The following SLC24A3 variants were observed in gnomAD, a reference collection of about 807,000 sequenced individuals.
SLC24A3 encodes sodium/potassium/calcium exchanger 3.
SLC24A3 carries 28 observed loss-of-function variants against 75.8 expected under a neutral mutation model. The ratio of observed to expected loss-of-function variants is 0.37; its 90% confidence interval spans 0.27 to 0.51. SLC24A3 has a LOEUF of 0.51. Among genes scored for constraint, SLC24A3 ranks in the 20% least tolerant of loss-of-function variants. The pLI, the probability that SLC24A3 is intolerant of heterozygous loss-of-function variation, is 0.94. For missense variants in SLC24A3, 663 were observed against 847.8 expected, an observed-to-expected ratio of 0.78 and a Z score of 2.71; for synonymous variants, 372 against 334.1, an observed-to-expected ratio of 1.11 and a Z score of -1.24.
chr20:19,672,995 A>C (rs879882554), intron 8 of SLC24A3, among the ~76,000 whole-genome samples: 3 of 152,224 alleles, frequency 2.0e-5, no homozygotes, highest in Non-Finnish European at 4.4e-5. Context: ...GAAGCCACTA[A>C]GATAAAGAAA....
chr20:19,262,295 C>T (rs1303902013), intron 1 of SLC24A3, among the ~76,000 whole-genome samples: 1 of 150,664 alleles, frequency 6.6e-6, no homozygotes, highest in Non-Finnish European at 1.5e-5. Flanking sequence ...GTCCCAGCTA[C>T]GCGGGAGGCT....
At chr20:19,412,811 C>A (rs564953521) in intron 2 of SLC24A3, among the ~76,000 whole-genome samples, 2 of 152,304 alleles carry the variant, frequency 1.3e-5, no homozygotes, top group South Asian at 4.1e-4. Context: ...TGTGCAGTAA[C>A]AGCTGAATAG....
intron 7 of SLC24A3, among the ~76,000 whole-genome samples, chr20:19,655,504 C>G (rs986495672): frequency 2.0e-5 from 3 of 152,062 alleles, no homozygotes; most frequent in African/African-American, 4.8e-5. Flanking sequence ...TGTGTCAACT[C>G]GACTGGGCTA....
At chr20:19,254,667 G>C (rs531532421) in intron 1 of SLC24A3, among the ~76,000 whole-genome samples, 141 of 152,258 alleles carry the variant, frequency 9.3e-4, no homozygotes, top group Middle Eastern at 3.4e-3. Flanking sequence ...ATCTGGTCAG[G>C]GTGGCCACAC....
chr20:19,475,975 G>A (rs1330600901), intron 2 of SLC24A3, among the ~76,000 whole-genome samples: 1 of 152,184 alleles, frequency 6.6e-6, no homozygotes, highest in Non-Finnish European at 1.5e-5. Context: ...CTATAACAAT[G>A]GGAATAGCCT....
intron 2 of SLC24A3, among the ~76,000 whole-genome samples, chr20:19,301,879 C>G (rs1026210499): frequency 6.6e-6 from 1 of 152,188 alleles, no homozygotes; most frequent in African/African-American, 2.4e-5. Context: ...CCATGTTTAG[C>G]TGTTGAATAT....
chr20:19,285,711 T>C (rs1402384271), intron 2 of SLC24A3, among the ~76,000 whole-genome samples: 2 of 152,030 alleles, frequency 1.3e-5, no homozygotes, highest in Admixed American at 1.3e-4. Context: ...AAACATTTTT[T>C]TTTTTTTCTT....
intron 15 of SLC24A3, 71 bp from the exon 16 acceptor site, chr20:19,717,457 C>G (rs1465909753): frequency 6.6e-6 from 10 of 1,522,704 alleles, no homozygotes; most frequent in Non-Finnish European, 8.2e-6. Flanking sequence ...TAGGCAGATG[C>G]CTTTTCCAAA....
At chr20:19,325,841 G>GAGAC (rs1984847455) in intron 2 of SLC24A3, among the ~76,000 whole-genome samples, 1 of 54,110 alleles carries the variant, frequency 1.8e-5, no homozygotes, top group Non-Finnish European at 3.4e-5. Flanking sequence ...GAGAGAGAGG[G>GAGAC]AGACATCTGG....
intron 6 of SLC24A3, among the ~76,000 whole-genome samples, chr20:19,642,349 G>A (rs1279174054): frequency 2.0e-5 from 3 of 152,134 alleles, no homozygotes; most frequent in Non-Finnish European, 4.4e-5. Flanking sequence ...ATACGTTTTT[G>A]CACGGATTCT....
chr20:19,263,091 CGTTT>C lies in SLC24A3; in HGVS notation c.143-17864_143-17861del, dbSNP rs146151005. 5.3e-5 allele frequency among the ~76,000 whole-genome samples: 8 copies of C among 151,300 alleles called. No individual in the cohort carries two copies. The East Asian group carries it at 1.6e-3, about 29-fold the overall frequency. On this transcript the variant is annotated intron_variant, in intron 1 of 16. Transcript: ENST00000328041. ...TGTGTGTTTTCTGTTGACCCCCCCA[CGTTT>C]GTTCCTGTTTCTTTCACTTTTAGAA...
At chr20:19,563,611 C>T (rs928150424) in intron 3 of SLC24A3, among the ~76,000 whole-genome samples, 3 of 152,156 alleles carry the variant, frequency 2.0e-5, no homozygotes, top group Admixed American at 6.5e-5. Flanking sequence ...AGCCTGCTGG[C>T]GTCCTGTGTC....
At chr20:19,350,331 A>G (rs1985538853) in intron 2 of SLC24A3, among the ~76,000 whole-genome samples, 1 of 152,190 alleles carries the variant, frequency 6.6e-6, no homozygotes, top group Non-Finnish European at 1.5e-5. Context: ...GTTTGCTCCT[A>G]CTTTTCTTAA....
At chr20:19,607,621 A>C (rs1197000668) in intron 6 of SLC24A3, among the ~76,000 whole-genome samples, 1 of 152,170 alleles carries the variant, frequency 6.6e-6, no homozygotes, top group East Asian at 1.9e-4. Context: ...CCGACTGTCC[A>C]CATCCAGACT....
chr20:19,530,249 A>G (rs1244825361), intron 3 of SLC24A3, among the ~76,000 whole-genome samples: 4 of 152,182 alleles, frequency 2.6e-5, no homozygotes, highest in African/African-American at 9.7e-5. Flanking sequence ...TTTGTTTTCT[A>G]TTGTGATCCT....
intron 2 of SLC24A3, among the ~76,000 whole-genome samples, chr20:19,494,139 A>C (rs1033108398): frequency 6.2e-5 from 9 of 144,526 alleles, no homozygotes; most frequent in Admixed American, 3.5e-4. Context: ...ACCAGGCCCC[A>C]TGTGCCCAGC....
intron 6 of SLC24A3, among the ~76,000 whole-genome samples, chr20:19,598,478 G>A (rs560759341): frequency 6.6e-6 from 1 of 152,272 alleles, no homozygotes; most frequent in Admixed American, 6.5e-5. Context: ...CATATCTTGT[G>A]TGTGGAAGGG....
chr20:19,293,293 C>T (rs1845091576), intron 2 of SLC24A3, among the ~76,000 whole-genome samples: 1 of 152,134 alleles, frequency 6.6e-6, no homozygotes, highest in Non-Finnish European at 1.5e-5. Context: ...CCATTTTTAT[C>T]CAATTGCCCT....
chr20:19,495,101 C>G (rs1335421385), intron 2 of SLC24A3, among the ~76,000 whole-genome samples: 1 of 152,178 alleles, frequency 6.6e-6, no homozygotes, highest in African/African-American at 2.4e-5. Flanking sequence ...ACCCTAGTGT[C>G]TACCACCCCT....
Sources: gnomAD v4.1 joint callset for allele counts (sites outside exome capture counted in the v4.1 genomes callset) on GRCh38, gnomAD v4.1.1 for gene constraint, MANE v1.5 for transcripts, NCBI Gene and HGNC (gene_info 2026-07-23, HGNC 2026-07-21) for gene names.